NBEA: variants seen among roughly 807,000 people sequenced by gnomAD.
NBEA encodes neurobeachin.
NBEA carries 44 observed loss-of-function variants against 343.4 expected under a neutral mutation model. The observed-to-expected ratio is 0.13, with a 90% CI of 0.10 to 0.16. The LOEUF is 0.16. Ranked by LOEUF, NBEA falls within the 10% of genes least tolerant of loss-of-function variation. The probability of loss-of-function intolerance (pLI) is 1.00; values close to 1 mark genes in which losing one functional copy is unlikely to be tolerated. For missense variants in NBEA, 2,555 were observed against 3,631.3 expected, an observed-to-expected ratio of 0.70 and a Z score of 7.62; for synonymous variants, 1,175 against 1,238.7, an observed-to-expected ratio of 0.95 and a Z score of 1.08.
At chr13:34,976,996 A>G (rs1307052301) in intron 1 of NBEA, among the ~76,000 whole-genome samples, 3 of 145,248 alleles carry the variant, frequency 2.1e-5, no homozygotes, top group Non-Finnish European at 3.0e-5. Context: ...GCTAGAGTGC[A>G]GTGGTGCAAT....
chr13:35,018,397 T>C (rs1369844207), intron 1 of NBEA, among the ~76,000 whole-genome samples: 1 of 152,104 alleles, frequency 6.6e-6, no homozygotes, highest in East Asian at 1.9e-4. Context: ...TTTTCTTTTC[T>C]CTTGTTATTA....
intron 33 of NBEA, among the ~76,000 whole-genome samples, chr13:35,225,612 C>G (rs898211571): frequency 2.6e-5 from 4 of 152,118 alleles, no homozygotes; most frequent in African/African-American, 9.7e-5. Flanking sequence ...TGCAAACGCC[C>G]CTTGTGTCTA....
intron 49 of NBEA, among the ~76,000 whole-genome samples, chr13:35,630,962 AC>A (rs2083426219): frequency 1.3e-5 from 2 of 152,234 alleles, no homozygotes; most frequent in South Asian, 4.2e-4. Context: ...CCCCCCTCTA[AC>A]ATATTCCCAT....
chr13:35,075,778 A>G (rs1484717219), intron 10 of NBEA, among the ~76,000 whole-genome samples: 1 of 152,074 alleles, frequency 6.6e-6, no homozygotes, highest in African/African-American at 2.4e-5. Context: ...ATTTCATTCT[A>G]ATATTCTGAT....
At position 35,183,983 on chromosome 13, in the gene NBEA, C is replaced by G. The variant is rs1288370638; in HGVS notation, c.4839C>G (p.Val1613=). Reference sequence around the variant, plus strand: ...CCATGATTTTCTCCACAGTTGTGGTCATACCATCTATCCCTCATCCAAGTT... The same window carrying G: ...CCATGATTTTCTCCACAGTTGTGGTGATACCATCTATCCCTCATCCAAGTT... The part of the protein sequence containing the change: ...EINSPTSTVV[V]IPSIPHPSLN... The change falls in exon 30 of 59, where the codon GTC becomes GTG. Residue 1613 remains valine, a synonymous_variant. Coordinates refer to ENST00000379939, the MANE Select transcript of NBEA (RefSeq NM_001385012.1). 1 of 1,610,032 alleles carries G rather than the reference C, an allele frequency of 6.2e-7. No homozygotes were observed. Among genetic ancestry groups the G allele is most frequent in the African/African-American group, 1.3e-5 (1 of 74,746 alleles).
At chr13:35,668,544 C>A (rs1566486474) in intron 58 of NBEA, 25 bp downstream of exon 58, 5 of 1,554,938 alleles carry the variant, frequency 3.2e-6, no homozygotes, top group South Asian at 1.2e-5. Flanking sequence ...GGACAAGTAT[C>A]ATCACTGAGA....
chr13:35,173,304 G>A (rs1408334032), intron 26 of NBEA, among the ~76,000 whole-genome samples, 160 bp from the exon 27 acceptor site: 1 of 151,936 alleles, frequency 6.6e-6, no homozygotes. Flanking sequence ...TTTCACTACT[G>A]TATTTCATAA....
intron 1 of NBEA, among the ~76,000 whole-genome samples, chr13:34,953,406 A>G (rs1367197161): frequency 1.3e-5 from 2 of 152,242 alleles, no homozygotes; most frequent in East Asian, 3.9e-4. Context: ...TTTTATTATA[A>G]TATATTGACT....
intron 1 of NBEA, among the ~76,000 whole-genome samples, chr13:34,981,908 C>G (rs886360368): frequency 9.9e-5 from 15 of 151,868 alleles, no homozygotes; most frequent in African/African-American, 3.6e-4. Context: ...TCTGTAGGAT[C>G]TATACTGATA....
intron 41 of NBEA, among the ~76,000 whole-genome samples, chr13:35,473,883 A>G (rs1173880878): frequency 6.6e-6 from 1 of 152,132 alleles, no homozygotes; most frequent in Non-Finnish European, 1.5e-5. Context: ...AATTAGTCAG[A>G]TTTTTAACTC....
At chr13:35,251,306 G>T (rs759130507) in intron 34 of NBEA, 8 of 792,962 alleles carry the variant, frequency 1.0e-5, no homozygotes, top group African/African-American at 1.9e-5. Context: ...GCATCCCTGT[G>T]CATCCGCTTC....
intron 36 of NBEA, among the ~76,000 whole-genome samples, chr13:35,347,725 G>A (rs1470612992): frequency 1.3e-5 from 2 of 151,774 alleles, no homozygotes; most frequent in East Asian, 3.9e-4. Context: ...TCATCATCAT[G>A]TGGCTTAAAC....
At chr13:35,447,291 A>G in intron 39 of NBEA, among the ~76,000 whole-genome samples, 1 of 152,116 alleles carries the variant, frequency 6.6e-6, no homozygotes, top group Non-Finnish European at 1.5e-5. Flanking sequence ...GGAAATTTAA[A>G]CTATATCAAT....
chr13:35,339,262 C>CA (rs34209782), intron 36 of NBEA, among the ~76,000 whole-genome samples: 25,735 of 144,200 alleles, frequency 0.18, 2,563 homozygotes, highest in African/African-American at 0.29. Flanking sequence ...AAGAAACTAC[C>CA]AAAAAAAAAA....
intron 33 of NBEA, among the ~76,000 whole-genome samples, chr13:35,217,036 T>C (rs964435209): frequency 6.6e-6 from 1 of 151,988 alleles, no homozygotes. Context: ...GTGGTCCAGT[T>C]TCTCCTCATT....
At position 34,942,965 on chromosome 13, in the gene NBEA, T is replaced by C; in HGVS notation, c.145T>C (p.Ser49Pro). Residue 49 changes from serine to proline, a missense_variant, in exon 1 of 59, where the codon TCC becomes CCC. Ser to Pro is a moderately conservative substitution (Grantham distance 74). This residue lies in a region of NBEA where 122 missense variants were observed against 91.0 expected (regional missense o/e 1.34). Coordinates refer to ENST00000379939, the MANE Select transcript of NBEA (RefSeq NM_001385012.1). ...CGGGATGGGGGAGCTAAGGGGGGCGTCCGGCTCCGGCTCGGTGATGCTCCC... is the reference window on the plus strand; with the variant it reads ...CGGGATGGGGGAGCTAAGGGGGGCGCCCGGCTCCGGCTCGGTGATGCTCCC... ...GSGMGELRGA[S>P]GSGSVMLPAG... 1.3e-6 allele frequency: 2 copies of C among 1,599,888 alleles called. No homozygotes were observed. The highest frequency in any genetic ancestry group is 1.7e-6 in the Non-Finnish European group (2 of 1,173,560).
chr13:35,582,820 G>C (rs954185019), intron 45 of NBEA, among the ~76,000 whole-genome samples: 4 of 152,126 alleles, frequency 2.6e-5, no homozygotes, highest in African/African-American at 9.7e-5. Context: ...GAGGCCAAAA[G>C]AAAAGGCTCA....
chr13:35,513,548 A>T (rs2077368101), intron 41 of NBEA, among the ~76,000 whole-genome samples: 1 of 151,838 alleles, frequency 6.6e-6, no homozygotes, highest in Admixed American at 6.6e-5. Context: ...TTTTAGTCTT[A>T]TTATCCAACT....
intron 35 of NBEA, among the ~76,000 whole-genome samples, chr13:35,295,839 C>A (rs998553613): frequency 1.3e-5 from 2 of 152,084 alleles, no homozygotes; most frequent in Non-Finnish European, 2.9e-5. Flanking sequence ...GCATATAATT[C>A]AAATTACTTT....
Sources: allele counts gnomAD v4.1 joint callset (sites outside exome capture counted in the v4.1 genomes callset), GRCh38; gene constraint gnomAD v4.1.1; regional missense constraint gnomAD v4.1.1; transcripts MANE v1.5; gene names NCBI Gene and HGNC (gene_info 2026-07-23, HGNC 2026-07-21).